Variants in NFATC4 observed in about 807,000 individuals in gnomAD.
NFATC4 encodes the protein nuclear factor of activated T cells 4.
NFATC4 carries 25 observed loss-of-function variants against 73.4 expected under a neutral mutation model. The observed-to-expected ratio is 0.34, with a 90% CI of 0.25 to 0.48. The LOEUF is 0.48. NFATC4 is among the 20% of genes least tolerant of loss of function. The probability of loss-of-function intolerance (pLI) is 0.99; values close to 1 mark genes in which losing one functional copy is unlikely to be tolerated. For synonymous variants in NFATC4, 523 were observed against 510.3 expected, an observed-to-expected ratio of 1.02 and a Z score of -0.34; for missense variants, 1,130 against 1,203.7, an observed-to-expected ratio of 0.94 and a Z score of 0.91.
At chr14:24,368,176 A>G, upstream of NFATC4, 1 of 1,253,178 alleles carries the variant, frequency 8.0e-7, no homozygotes, top group Non-Finnish European at 1.0e-6. Flanking sequence ...AAAAGTTTGG[A>G]AAAGTTTCTA....
At chr14:24,374,203 T>C in intron 5 of NFATC4, 123 bp from the exon 6 acceptor site, 1 of 1,206,502 alleles carries the variant, frequency 8.3e-7, no homozygotes, top group Non-Finnish European at 1.2e-6. Context: ...TTTATTTGTG[T>C]GTCTACTGCT....
chr14:24,372,273 T>A (rs970246538), intron 2 of NFATC4, 168 bp from the exon 3 acceptor site: 24 of 722,206 alleles, frequency 3.3e-5, no homozygotes, highest in African/African-American at 3.0e-4. Flanking sequence ...TTTTTTAGTT[T>A]AAAAAAAATT....
chr14:24,369,710 T>G lies in NFATC4; in HGVS notation c.312T>G (p.Gly104=), dbSNP rs748169839. The G allele has an allele frequency of 1.9e-6, 3 of 1,610,506 alleles. No homozygotes were observed. The South Asian group carries it at 3.3e-5, about 18-fold the overall frequency. The change falls in exon 2 of 10, where the codon GGT becomes GGG. Residue 104 remains glycine (G), a synonymous_variant. Coordinates refer to ENST00000250373, the MANE Select transcript of NFATC4 (RefSeq NM_004554.5). The stretch of plus-strand genomic sequence containing the variant: ...GAGGACCAGGAGGGGGTGCTGGGGG[T>G]GCTGGGGGTGGCCGTGTTCTCGAGT... ...RLGGPGGGAG[G]AGGGRVLECP... is the part of the protein sequence containing the mutation.
At chr14:24,368,145 C>A, upstream of NFATC4, 1 of 1,211,894 alleles carries the variant, frequency 8.3e-7, no homozygotes, top group Non-Finnish European at 1.0e-6. Context: ...GGGGGGACCG[C>A]TTTGAAGAAG....
intron 7 of NFATC4, 44 bp downstream of exon 7, chr14:24,375,759 G>GGGGGGCGGCCC: frequency 1.6e-6 from 1 of 617,016 alleles, no homozygotes; most frequent in Non-Finnish European, 3.0e-6. Context: ...GGGGGTGGGA[G>GGGGGGCGGCCC]AAGGCAGGGG....
In NFATC4 at chr14:24,369,884, TG is replaced by T. The variant is rs751744912; in HGVS notation, c.493del (p.Ala165ProfsTer38). ...GGYREAGGQG[G>X]GAFFSPSPGS... ...GCTACAGAGAAGCAGGGGGCCAGGG[TG>T]GGGGGGCCTTCTTCAGCCCAAGCCC... On this transcript the variant is annotated frameshift_variant, in exon 2 of 10. Transcript: ENST00000250373. LOFTEE classifies it high-confidence loss of function. The T allele has an allele frequency of 6.2e-7, 1 of 1,609,638 alleles. No homozygotes were observed. The highest frequency in any genetic ancestry group is 8.5e-7 in the Non-Finnish European group (1 of 1,178,226).
chr14:24,378,132 T>G lies in NFATC4; in HGVS notation c.*427T>G. The G allele has an allele frequency of 5.3e-6, 1 of 188,756 alleles. No individual in the cohort carries two copies. Among genetic ancestry groups the G allele is most frequent in the Non-Finnish European group, 1.1e-5 (1 of 89,064 alleles). The allele number at this position is 188,756 out of a possible 1,614,324, so 11.7% of individuals were successfully genotyped here. A position where few individuals can be genotyped will look rare whatever the true frequency, so the allele number is the denominator to read the frequency against. ...GCCCTGGCCCAAGGAGGCCCAGAAG[T>G]TGGAAAGAGATGGAATGTGGCTGGG... On this transcript the variant is annotated 3_prime_UTR_variant, in exon 10 of 10. Coordinates refer to ENST00000250373, the MANE Select transcript of NFATC4 (RefSeq NM_004554.5).
chr14:24,369,295 A>C, intron 1 of NFATC4: 1 of 1,565,972 alleles, frequency 6.4e-7, no homozygotes, highest in Non-Finnish European at 8.6e-7. Flanking sequence ...TCCAGGGGCC[A>C]GTGGGCAAAG....
At position 24,371,539 on chromosome 14, in the gene NFATC4, C is replaced by A. The variant is rs542565019; in HGVS notation, c.1197-902C>A. Reference sequence around the variant, plus strand: ...TCCACTGTCCTAGGGTATCAGGGAGCACAATACAGGATAAGTTGTCCCATC... The same window carrying A: ...TCCACTGTCCTAGGGTATCAGGGAGAACAATACAGGATAAGTTGTCCCATC... On this transcript the variant is annotated intron_variant, in intron 2 of 9. Transcript: ENST00000250373. 3.9e-5 allele frequency among the ~76,000 whole-genome samples: 6 copies of A among 152,292 alleles called. No individual in the cohort carries two copies. In the East Asian group the frequency reaches 1.2e-3, roughly 29 times the overall value.
intron 1 of NFATC4, chr14:24,369,073 C>T: frequency 7.1e-7 from 1 of 1,412,596 alleles, no homozygotes; most frequent in East Asian, 2.6e-5. Flanking sequence ...GCCCCCCTCC[C>T]CTCTGGCCAC....
intron 1 of NFATC4, 94 bp from the exon 2 acceptor site, chr14:24,369,405 G>A: frequency 6.2e-6 from 10 of 1,604,998 alleles, no homozygotes; most frequent in Non-Finnish European, 8.5e-6. Context: ...AGGGAGCATA[G>A]AAGGACTTGC....
At chr14:24,367,891 TA>T, upstream of NFATC4, 1 of 1,328,236 alleles carries the variant, frequency 7.5e-7, no homozygotes, top group African/African-American at 1.5e-5. Context: ...GAACTGAGAC[TA>T]GGGGAGGTGG....
chr14:24,373,991 AG>A lies in NFATC4; in HGVS notation c.1732+126del, dbSNP rs1271105588. The A allele has an allele frequency of 1.5e-6, 2 of 1,368,292 alleles. No homozygotes were observed. The highest frequency in any genetic ancestry group is 2.0e-6 in the Non-Finnish European group (2 of 981,062). 84.8% of individuals were successfully genotyped at this position (1,368,292 alleles called of 1,614,324 possible). On this transcript the variant is annotated intron_variant, in intron 5 of 9. Coordinates refer to ENST00000250373, the MANE Select transcript of NFATC4 (RefSeq NM_004554.5). This position sits in a 1 kb window ranked among gnomAD's most constrained non-coding sequence, Gnocchi z 4.7. ...CTGTCTGTCCTGGGTAGCTCTATAG[AG>A]GACTCAGCTTCTTTCTATTCTAGTT...
In NFATC4 at chr14:24,378,870, C is replaced by G. The variant is rs143828689; in HGVS notation, c.*1165C>G. ...CTGGTTTGTCCCCTGTCTTGATGGCCTACGAGAGGCCAAGTTCCACTGGGC... is the reference window on the plus strand; with the variant it reads ...CTGGTTTGTCCCCTGTCTTGATGGCGTACGAGAGGCCAAGTTCCACTGGGC... On this transcript the variant is annotated 3_prime_UTR_variant, in exon 10 of 10. Coordinates refer to ENST00000250373, the MANE Select transcript of NFATC4 (RefSeq NM_004554.5). 560 of 152,484 alleles carry G rather than the reference C, an allele frequency of 3.7e-3. 3 individuals are homozygous for G. Among genetic ancestry groups the G allele is most frequent in the Admixed American group, 6.8e-3 (104 of 15,312 alleles). 9.4% of individuals were successfully genotyped at this position (152,484 alleles called of 1,614,324 possible).
rs775138757 is a variant in NFATC4, at chr14:24,369,841, C to A, written c.443C>A (p.Pro148Gln). The change falls in exon 2 of 10, where the codon CCA (proline) becomes CAA (glutamine). Residue 148 changes from proline to glutamine, a missense_variant. Transcript: ENST00000250373. ...WGDGSPRDYPPPEGFGGYREA... is the reference protein window; with the variant it reads ...WGDGSPRDYPQPEGFGGYREA... ...GACGGCTCTCCTAGAGATTACCCCC[C>A]ACCAGAAGGCTTTGGGGGCTACAGA... 1.6e-5 allele frequency: 25 copies of A among 1,606,628 alleles called. No individual in the cohort carries two copies. The highest frequency in any genetic ancestry group is 4.4e-5 in the South Asian group (4 of 90,324).
At chr14:24,368,134 G>T (rs1175939700), upstream of NFATC4, 25 of 1,234,294 alleles carry the variant, frequency 2.0e-5, no homozygotes, top group Non-Finnish European at 1.5e-5. Flanking sequence ...GACAGGCTGG[G>T]GGGGGGACCG....
chr14:24,367,609 C>G (rs28365903), upstream of NFATC4: 274,889 of 1,535,968 alleles, frequency 0.18, 26,286 homozygotes, highest in Admixed American at 0.33. Context: ...GGCGCTGATT[C>G]GGCAGCGCAA....
In NFATC4 at chr14:24,376,958, C is replaced by G; in HGVS notation, c.2641+80C>G. ...ATGTTTGCTGAGGGCTGGAGCTGGG[C>G]TTTTCAGAGATCGGGCATCCCTGGT... On this transcript the variant is annotated intron_variant, in intron 9 of 9. Transcript: ENST00000250373. The surrounding 1 kb of genome is among the most constrained non-coding windows in gnomAD (Gnocchi z 5.0). 1 of 1,430,392 alleles carries G rather than the reference C, an allele frequency of 7.0e-7. No individual in the cohort carries two copies. Among genetic ancestry groups the G allele is most frequent in the Non-Finnish European group, 9.1e-7 (1 of 1,094,024 alleles). The allele number at this position is 1,430,392 out of a possible 1,614,324, so 88.6% of individuals were successfully genotyped here.
In NFATC4 at chr14:24,368,251, G is replaced by A; in HGVS notation, c.-90G>A. The A allele has an allele frequency of 7.5e-7, 1 of 1,341,666 alleles. No individual in the cohort carries two copies. The highest frequency in any genetic ancestry group is 9.6e-7 in the Non-Finnish European group (1 of 1,044,064). The allele number at this position is 1,341,666 out of a possible 1,614,324, so 83.1% of individuals were successfully genotyped here. A position where few individuals can be genotyped will look rare whatever the true frequency, so the allele number is the denominator to read the frequency against. ...GAGGAGGGGGCTTCTCAGAGAAAGGGAGGGAGGGAGCCACCCGGGTGAAGA... is the reference window on the plus strand; with the variant it reads ...GAGGAGGGGGCTTCTCAGAGAAAGGAAGGGAGGGAGCCACCCGGGTGAAGA... On this transcript the variant is annotated 5_prime_UTR_variant, in exon 1 of 10. Coordinates refer to ENST00000250373, the MANE Select transcript of NFATC4 (RefSeq NM_004554.5).
Sources: allele counts gnomAD v4.1 joint callset (sites outside exome capture counted in the v4.1 genomes callset), GRCh38; gene constraint gnomAD v4.1.1; non-coding constraint Gnocchi (gnomAD v3.1); transcripts MANE v1.5; gene names NCBI Gene and HGNC (gene_info 2026-07-23, HGNC 2026-07-21).